The following PCIF1 variants were observed in gnomAD, a reference collection of about 807,000 sequenced individuals.
PCIF1 encodes phosphorylated CTD interacting factor 1.
A neutral mutation model predicts 86.9 loss-of-function variants in PCIF1; 12 were observed. The ratio of observed to expected loss-of-function variants is 0.14; its 90% CI spans 0.09 to 0.22. The LOEUF (loss-of-function observed/expected upper bound fraction) is 0.22, where lower values mean the gene tolerates loss of function less well. Ranked by LOEUF, PCIF1 falls within the 10% of genes least tolerant of loss-of-function variation. PCIF1 has a pLI of 1.00. For synonymous variants in PCIF1, 397 were observed against 372.0 expected, an observed-to-expected ratio of 1.07 and a Z score of -0.77; for missense variants, 701 against 951.1, an observed-to-expected ratio of 0.74 and a Z score of 3.46.
At position 45,946,189 on chromosome 20, in the gene PCIF1, C is replaced by G. The variant is rs1442326415; in HGVS notation, c.1429-11C>G. Reference sequence around the variant, plus strand: ...GGTGAGCCCCAGGTGCTGACGGTGGCCACTCCGCAGATGATGTTCGGCGTG... The same window carrying G: ...GGTGAGCCCCAGGTGCTGACGGTGGGCACTCCGCAGATGATGTTCGGCGTG... On this transcript the variant is annotated splice_polypyrimidine_tract_variant and intron_variant, in intron 13 of 16. Transcript: ENST00000372409. The G allele has an allele frequency of 1.9e-6, 3 of 1,614,164 alleles. No homozygotes were observed. In the South Asian group the frequency reaches 3.3e-5, roughly 18 times the overall value.
chr20:45,937,044 T>C (rs1345196271), intron 1 of PCIF1, among the ~76,000 whole-genome samples: 1 of 150,284 alleles, frequency 6.7e-6, no homozygotes, highest in African/African-American at 2.5e-5. Flanking sequence ...CAAAGCCACG[T>C]GCCCAGCCTA....
intron 2 of PCIF1, among the ~76,000 whole-genome samples, chr20:45,938,756 G>C (rs1257187556): frequency 6.6e-6 from 1 of 152,174 alleles, no homozygotes; most frequent in Non-Finnish European, 1.5e-5. Context: ...AGGCAGAGAA[G>C]AGGGGGAGGG....
Position 45,943,343 on chromosome 20 carries a change from A to T in PCIF1, c.825A>T (p.Leu275Phe). 7 of 1,614,100 alleles carry T rather than the reference A, an allele frequency of 4.3e-6. No individual in the cohort carries two copies. Among genetic ancestry groups the T allele is most frequent in the Non-Finnish European group, 5.9e-6 (7 of 1,179,962 alleles). The change falls in exon 9 of 17, where the codon TTA becomes TTT. Residue 275 changes from leucine (L) to phenylalanine (F), a missense_variant. Leu to Phe is a conservative substitution (Grantham distance 22). Transcript: ENST00000372409. The surrounding 1 kb of genome is among the most constrained non-coding windows in gnomAD (Gnocchi z 5.5). ...CTCTGCCCACTCTGAAACGCAGGTT[A>T]TCCCGAATCAAGTTCCGGGAGGAAG... ...REIMNDIPIR[L>F]SRIKFREEAK...
In PCIF1 at chr20:45,943,888, G is replaced by C; in HGVS notation, c.1005+123G>C. 1 of 704,046 alleles carries C rather than the reference G, an allele frequency of 1.4e-6. No homozygotes were observed. Among genetic ancestry groups the C allele is most frequent in the Admixed American group, 2.6e-5 (1 of 38,118 alleles). The allele number at this position is 704,046 out of a possible 1,614,324, so 43.6% of individuals were successfully genotyped here. A position where few individuals can be genotyped will look rare whatever the true frequency, so the allele number is the denominator to read the frequency against. Reference sequence around the variant, plus strand: ...CCAGCGGCCTATTCTTGTGCAGTATGGCAGACGTTCGACATTCGTCAGTCC... The same window carrying C: ...CCAGCGGCCTATTCTTGTGCAGTATCGCAGACGTTCGACATTCGTCAGTCC... On this transcript the variant is annotated intron_variant, in intron 10 of 16. Transcript: ENST00000372409. The surrounding 1 kb of genome is among the most constrained non-coding windows in gnomAD (Gnocchi z 5.5).
At chr20:45,936,990 T>G (rs1370568023) in intron 1 of PCIF1, among the ~76,000 whole-genome samples, 1 of 151,448 alleles carries the variant, frequency 6.6e-6, no homozygotes, top group African/African-American at 2.4e-5. Flanking sequence ...GCTCACTATG[T>G]TGCCGAGGCT....
chr20:45,941,688 G>A (rs1265052676), intron 7 of PCIF1, among the ~76,000 whole-genome samples: 1 of 152,064 alleles, frequency 6.6e-6, no homozygotes, highest in Non-Finnish European at 1.5e-5. Flanking sequence ...CTGAACTCCT[G>A]ACCTTGTGAT....
At chr20:45,934,930 C>T in intron 1 of PCIF1, 126 bp downstream of exon 1, 2 of 396,200 alleles carry the variant, frequency 5.0e-6, no homozygotes, top group Non-Finnish European at 8.9e-6. Context: ...TCTCTGTTGC[C>T]GCCGCCATCT....
chr20:45,945,910 A>C (rs1170972748), intron 12 of PCIF1, 27 bp downstream of exon 12: 1 of 1,613,442 alleles, frequency 6.2e-7, no homozygotes, highest in Non-Finnish European at 8.5e-7. Context: ...GGAAGGCCCT[A>C]GCTGATGGCA....
At chr20:45,935,109 GC>G (rs1355051975) in intron 1 of PCIF1, among the ~76,000 whole-genome samples, 1 of 151,626 alleles carries the variant, frequency 6.6e-6, no homozygotes, top group African/African-American at 2.4e-5. Context: ...GCGCGGCGGG[GC>G]GGGGGGCGGA....
intron 7 of PCIF1, among the ~76,000 whole-genome samples, chr20:45,942,766 CTTTTTTTTTT>C (rs780815783): frequency 4.5e-4 from 32 of 71,744 alleles, no homozygotes; most frequent in East Asian, 2.4e-3. Flanking sequence ...CAGCTAATTT[CTTTTTTTTTT>C]TTTTTTTTTT....
At chr20:45,944,800 G>A in intron 10 of PCIF1, 68 bp from the exon 11 acceptor site, 1 of 1,541,286 alleles carries the variant, frequency 6.5e-7, no homozygotes, top group Non-Finnish European at 8.8e-7. Context: ...CAGCCCTGCG[G>A]TTACCTGCCA....
At chr20:45,940,223 A>G (rs1358007824) in intron 4 of PCIF1, among the ~76,000 whole-genome samples, 1 of 152,214 alleles carries the variant, frequency 6.6e-6, no homozygotes, top group Non-Finnish European at 1.5e-5. Context: ...GACTCATTTA[A>G]TAATCTCAGT....
chr20:45,938,988 G>T lies in PCIF1; in HGVS notation c.-12G>T. ...TGGTCCTCTGTGTGGCAGGTCCTGTGTGGGTGTGGAGATGGCCAATGAGAA... is the reference window on the plus strand; with the variant it reads ...TGGTCCTCTGTGTGGCAGGTCCTGTTTGGGTGTGGAGATGGCCAATGAGAA... On this transcript the variant is annotated 5_prime_UTR_variant, in exon 3 of 17. Coordinates refer to ENST00000372409, the MANE Select transcript of PCIF1 (RefSeq NM_022104.4). The T allele has an allele frequency of 6.2e-7, 1 of 1,613,930 alleles. No individual in the cohort carries two copies. Among genetic ancestry groups the T allele is most frequent in the Non-Finnish European group, 8.5e-7 (1 of 1,179,924 alleles).
intron 1 of PCIF1, among the ~76,000 whole-genome samples, chr20:45,936,618 T>G (rs2083428904): frequency 6.6e-6 from 1 of 151,822 alleles, no homozygotes; most frequent in South Asian, 2.1e-4. Flanking sequence ...CCTGAGTAGC[T>G]GGGACTGCAG....
intron 7 of PCIF1, among the ~76,000 whole-genome samples, chr20:45,942,765 TC>T (rs1213849009): frequency 2.1e-5 from 3 of 141,300 alleles, no homozygotes; most frequent in Non-Finnish European, 3.1e-5. Context: ...CCAGCTAATT[TC>T]TTTTTTTTTT....
rs1193699686 is a variant in PCIF1 at position 45,943,112 on chromosome 20, G to A, written c.689G>A (p.Arg230Gln). 4.3e-6 allele frequency: 7 copies of A among 1,613,794 alleles called. No homozygotes were observed. In the Admixed American group the frequency reaches 5.0e-5, roughly 12 times the overall value. Reference sequence around the variant, plus strand: ...TGTCCTGCAGGCATTGAGCCTCCACGGGAGTCTTTCAACCGCTGGATGCTG... The same window carrying A: ...TGTCCTGCAGGCATTGAGCCTCCACAGGAGTCTTTCAACCGCTGGATGCTG... Reference protein sequence around the residue: ...CQQREGIEPPRESFNRWMLER... With the variant: ...CQQREGIEPPQESFNRWMLER... The change falls in exon 8 of 17, where the codon CGG (arginine) becomes CAG (glutamine). Residue 230 changes from arginine (R) to glutamine (Q), a missense_variant. Around this residue, in one of 7 missense-constraint regions of PCIF1, gnomAD observed 129 missense variants for 245.9 expected, o/e 0.52. Transcript: ENST00000372409. The surrounding 1 kb of genome is among the most constrained non-coding windows in gnomAD (Gnocchi z 5.5).
At position 45,937,495 on chromosome 20, in the gene PCIF1, G is replaced by C. The variant is rs978518065; in HGVS notation, c.-110G>C. 1 of 399,006 alleles carries C rather than the reference G, an allele frequency of 2.5e-6. No individual in the cohort carries two copies. The highest frequency in any genetic ancestry group is 2.1e-5 in the African/African-American group (1 of 48,640). 24.7% of individuals were successfully genotyped at this position (399,006 alleles called of 1,614,324 possible). ...CCATTCGCCTGTGCTGAGTCTTCCT[G>C]CAGGCCTTTCCTTGCCTCTGTGGGA... is the stretch of plus-strand genomic sequence containing the variant. On this transcript the variant is annotated 5_prime_UTR_variant, in exon 2 of 17. Transcript: ENST00000372409.
At position 45,939,056 on chromosome 20, in the gene PCIF1, C is replaced by A; in HGVS notation, c.57C>A (p.Ser19=). Reference sequence around the variant, plus strand: ...AGGAAGCGTCCCTGCTGAGTCACTCCCCAGGTACCTCCAATCAGAGCCAGC... The same window carrying A: ...AGGAAGCGTCCCTGCTGAGTCACTCACCAGGTACCTCCAATCAGAGCCAGC... ...PREEASLLSH[S]PGTSNQSQPC... is the part of the protein sequence containing the mutation. The change falls in exon 3 of 17, where the codon TCC becomes TCA. Residue 19 remains serine, a synonymous_variant. Transcript: ENST00000372409. 2 of 1,614,006 alleles carry A rather than the reference C, an allele frequency of 1.2e-6. No individual in the cohort carries two copies. The highest frequency in any genetic ancestry group is 1.7e-6 in the Non-Finnish European group (2 of 1,179,976).
At position 45,940,817 on chromosome 20, in the gene PCIF1, C is replaced by T. The variant is rs1237345314; in HGVS notation, c.396C>T (p.Ile132=). 1 of 1,613,362 alleles carries T rather than the reference C, an allele frequency of 6.2e-7. No homozygotes were observed. Among genetic ancestry groups the T allele is most frequent in the Admixed American group, 1.7e-5 (1 of 59,934 alleles). Residue 132 remains isoleucine, a synonymous_variant, in exon 6 of 17, where the codon ATC becomes ATT. Coordinates refer to ENST00000372409, the MANE Select transcript of PCIF1 (RefSeq NM_022104.4). The part of the protein sequence containing the change: ...GNGVKKPKIE[I]PVTPTGQSVP... ...TGTGACTTTCACTACAGATTGAAAT[C>T]CCAGTGACACCCACAGGCCAGTCGG...
Sources: allele counts gnomAD v4.1 joint callset (sites outside exome capture counted in the v4.1 genomes callset), GRCh38; gene constraint gnomAD v4.1.1; regional missense constraint gnomAD v4.1.1; non-coding constraint Gnocchi (gnomAD v3.1); transcripts MANE v1.5; gene names NCBI Gene and HGNC (gene_info 2026-07-23, HGNC 2026-07-21).